Variants in PCSK2 observed in about 807,000 individuals in gnomAD.
PCSK2 encodes the protein proprotein convertase subtilisin/kexin type 2, also known as neuroendocrine convertase 2.
In PCSK2, 14 loss-of-function variants were observed where a neutral mutation model predicts 69.7. The observed-to-expected ratio is 0.20, with a 90% CI of 0.13 to 0.31. PCSK2 has a LOEUF of 0.31. PCSK2 is among the 10% of genes least tolerant of loss of function. The pLI is 1.00. For synonymous variants in PCSK2, 307 were observed against 320.7 expected, an observed-to-expected ratio of 0.96 and a Z score of 0.46; for missense variants, 544 against 842.5, an observed-to-expected ratio of 0.65 and a Z score of 4.39.
intron 5 of PCSK2, among the ~76,000 whole-genome samples, chr20:17,407,324 C>T (rs1328295421): frequency 6.6e-6 from 1 of 152,140 alleles, no homozygotes. Flanking sequence ...TGGATTTCCA[C>T]CCACCTCACC....
intron 5 of PCSK2, among the ~76,000 whole-genome samples, chr20:17,384,969 A>G (rs1158750539): frequency 6.6e-6 from 1 of 152,228 alleles, no homozygotes; most frequent in Non-Finnish European, 1.5e-5. Flanking sequence ...GCAAAGGCAA[A>G]GAGGACCTTT....
At chr20:17,291,811 C>G (rs987325904) in intron 2 of PCSK2, among the ~76,000 whole-genome samples, 2 of 152,112 alleles carry the variant, frequency 1.3e-5, no homozygotes, top group Non-Finnish European at 2.9e-5. Context: ...GATATGAGAG[C>G]TCCACAAAGT....
intron 8 of PCSK2, among the ~76,000 whole-genome samples, chr20:17,452,599 T>C (rs1042088279): frequency 1.1e-4 from 16 of 152,196 alleles, no homozygotes; most frequent in Non-Finnish European, 2.4e-4. Context: ...AGACTTTCCC[T>C]GACAATCTCT....
chr20:17,234,971 G>C (rs1376036360), intron 1 of PCSK2, among the ~76,000 whole-genome samples: 1 of 152,110 alleles, frequency 6.6e-6, no homozygotes, highest in Non-Finnish European at 1.5e-5. Flanking sequence ...ATTTCTATTT[G>C]ACTTTCCTTA....
intron 1 of PCSK2, among the ~76,000 whole-genome samples, chr20:17,241,142 A>G (rs1600401624): frequency 1.3e-5 from 2 of 152,224 alleles, no homozygotes. Context: ...CTGTCAGCAG[A>G]AGGAAAGTCT....
upstream of PCSK2, chr20:17,226,979 G>A (rs2122917856): frequency 5.6e-6 from 1 of 179,888 alleles, no homozygotes; most frequent in Non-Finnish European, 1.1e-5. Flanking sequence ...CAGCCCCTAG[G>A]GAATTGGAGC....
intron 2 of PCSK2, among the ~76,000 whole-genome samples, chr20:17,270,162 G>T (rs1285319042): frequency 6.6e-6 from 1 of 152,048 alleles, no homozygotes; most frequent in African/African-American, 2.4e-5. Context: ...GTTTTGTGAG[G>T]CAAAAGTGGT....
chr20:17,348,841 A>G (rs190860911), intron 2 of PCSK2, among the ~76,000 whole-genome samples: 144 of 152,298 alleles, frequency 9.5e-4, no homozygotes, highest in African/African-American at 3.2e-3. Flanking sequence ...ACCTCTTTAA[A>G]GACACTATCT....
At chr20:17,267,962 A>G (rs1987687998) in intron 2 of PCSK2, among the ~76,000 whole-genome samples, 1 of 150,028 alleles carries the variant, frequency 6.7e-6, no homozygotes, top group Non-Finnish European at 1.5e-5. Context: ...AATTCTCCTG[A>G]TCTGCCTCAC....
chr20:17,295,303 C>T lies in PCSK2; in HGVS notation c.282+34959C>T, dbSNP rs577048995. On this transcript the variant is annotated intron_variant, in intron 2 of 11. Transcript: ENST00000262545. ...GTTTTAAATGCCATTATTACCACTT[C>T]CCAAGCAAGGAGACTGGGCAGAGCC... Among the ~76,000 whole-genome samples, 3 of 151,848 alleles carry T rather than the reference C, an allele frequency of 2.0e-5. No individual in the cohort carries two copies. In the South Asian group the frequency reaches 6.2e-4, roughly 32 times the overall value.
At chr20:17,448,600 G>A (rs1356368055) in intron 8 of PCSK2, among the ~76,000 whole-genome samples, 1 of 152,036 alleles carries the variant, frequency 6.6e-6, no homozygotes, top group Non-Finnish European at 1.5e-5. Flanking sequence ...TCGGTGGTGA[G>A]GAGGTTGTCC....
chr20:17,308,476 C>A (rs956217924), intron 2 of PCSK2, among the ~76,000 whole-genome samples: 1 of 152,132 alleles, frequency 6.6e-6, no homozygotes, highest in African/African-American at 2.4e-5. Context: ...GCATTCCAGG[C>A]GGAAGTGCAA....
chr20:17,358,452 T>C lies in PCSK2; in HGVS notation c.396+12T>C. ...AGCAGTGGTATCTGGTGAGTGTCTT[T>C]ATGTCCTTTTGGACATTTCCCATCT... On this transcript the variant is annotated intron_variant, in intron 3 of 11. Transcript: ENST00000262545. The C allele has an allele frequency of 7.3e-7, 1 of 1,362,052 alleles. No homozygotes were observed. 84.4% of individuals were successfully genotyped at this position (1,362,052 alleles called of 1,614,324 possible).
intron 2 of PCSK2, among the ~76,000 whole-genome samples, chr20:17,281,856 A>T (rs924851294): frequency 6.6e-6 from 1 of 152,156 alleles, no homozygotes; most frequent in African/African-American, 2.4e-5. Context: ...TACTGGTCCC[A>T]CCTATGGATA....
chr20:17,361,472 G>A (rs1461655319), intron 4 of PCSK2, among the ~76,000 whole-genome samples: 1 of 152,180 alleles, frequency 6.6e-6, no homozygotes, highest in Non-Finnish European at 1.5e-5. Context: ...CGTTTCACTG[G>A]GGATGTGTTG....
At chr20:17,226,531 G>A (rs1985908337), upstream of PCSK2, among the ~76,000 whole-genome samples, 2 of 118,422 alleles carry the variant, frequency 1.7e-5, no homozygotes, top group East Asian at 2.7e-4. Context: ...GAGAGAGAGA[G>A]AAAGAGAGAG....
chr20:17,467,764 G>A (rs904569146), intron 11 of PCSK2, among the ~76,000 whole-genome samples: 2 of 152,106 alleles, frequency 1.3e-5, no homozygotes, highest in African/African-American at 4.8e-5. Context: ...CAGGCTGCTG[G>A]GAGACTTTAG....
intron 2 of PCSK2, among the ~76,000 whole-genome samples, chr20:17,358,104 G>A (rs965676015): frequency 4.6e-5 from 7 of 151,152 alleles, no homozygotes; most frequent in African/African-American, 1.2e-4. Flanking sequence ...TCGGGAGTTC[G>A]AGACCAGCCT....
intron 1 of PCSK2, among the ~76,000 whole-genome samples, chr20:17,228,931 G>C (rs1371169009): frequency 1.3e-5 from 2 of 152,172 alleles, no homozygotes; most frequent in African/African-American, 4.8e-5. Flanking sequence ...GAAAGAAGGC[G>C]CCGGCGGAGG....
Sources: gnomAD v4.1 joint callset for allele counts (sites outside exome capture counted in the v4.1 genomes callset) on GRCh38, gnomAD v4.1.1 for gene constraint, MANE v1.5 for transcripts, NCBI Gene and HGNC (gene_info 2026-07-23, HGNC 2026-07-21) for gene names.